FAT3: variants seen among roughly 807,000 people sequenced by gnomAD.
FAT3 encodes protocadherin Fat 3.
A neutral mutation model predicts 310.2 loss-of-function variants in FAT3; 95 were observed. The observed-to-expected ratio is 0.31, with a 90% confidence interval of 0.26 to 0.36. FAT3 has a LOEUF of 0.36. FAT3 is among the 10% of genes least tolerant of loss of function. The pLI is 1.00. For missense variants in FAT3, 5,408 were observed against 5,715.6 expected (o/e 0.95, Z 1.74); for synonymous variants, 2,314 against 2,192.9 (o/e 1.06, Z -1.54).
chr11:92,712,704 A>G (rs1207191330), intron 4 of FAT3, among the ~76,000 whole-genome samples: 3 of 152,234 alleles, frequency 2.0e-5, no homozygotes, highest in African/African-American at 7.2e-5. Flanking sequence ...AGCTTTAGCT[A>G]TCTAGGCTTT....
chr11:92,565,736 C>T (rs1306318558), intron 3 of FAT3, among the ~76,000 whole-genome samples: 3 of 151,670 alleles, frequency 2.0e-5, no homozygotes, highest in East Asian at 1.9e-4. Context: ...GTTCAATATA[C>T]ACAAATCAAT....
chr11:92,789,929 TC>T lies in FAT3; in HGVS notation c.4336-13del. ...TTGGCATTAGTCATCATTCTTTTCTTCTTTTAACTACAGGTATTTATCAAAG... is the reference window on the plus strand; with the variant it reads ...TTGGCATTAGTCATCATTCTTTTCTTTTTTAACTACAGGTATTTATCAAAG... On this transcript the variant is annotated splice_polypyrimidine_tract_variant and intron_variant, in intron 7 of 27. Coordinates refer to ENST00000525166, the MANE Select transcript of FAT3 (RefSeq NM_001367949.2). 1 of 1,611,048 alleles carries T rather than the reference TC, an allele frequency of 6.2e-7. No individual in the cohort carries two copies. Among genetic ancestry groups the T allele is most frequent in the Non-Finnish European group, 8.5e-7 (1 of 1,177,610 alleles).
At chr11:92,701,734 C>T (rs1944102938) in intron 4 of FAT3, among the ~76,000 whole-genome samples, 1 of 152,160 alleles carries the variant, frequency 6.6e-6, no homozygotes, top group Non-Finnish European at 1.5e-5. Context: ...GTAAATGAAA[C>T]AGTGAATTAA....
intron 2 of FAT3, among the ~76,000 whole-genome samples, chr11:92,390,068 G>T (rs1351217603): frequency 1.3e-5 from 2 of 151,948 alleles, no homozygotes; most frequent in African/African-American, 4.8e-5. Flanking sequence ...CATCAAAAAT[G>T]ACAGTTTTAA....
At position 92,822,395 on chromosome 11, in the gene FAT3, A is replaced by C. The variant is rs1402681257; in HGVS notation, c.9482-9227A>C. On this transcript the variant is annotated intron_variant, in intron 13 of 27. Transcript: ENST00000525166. ...CTCGGCAATGCAGAGGACGGATTTA[A>C]GGCAGTACTAATATAGCTAGGAAAA... Among the ~76,000 whole-genome samples, 3 of 152,150 alleles carry C rather than the reference A, an allele frequency of 2.0e-5. No homozygotes were observed. The East Asian group carries it at 5.8e-4, about 29-fold the overall frequency.
intron 2 of FAT3, among the ~76,000 whole-genome samples, chr11:92,412,746 A>ATATATATATATATATAT (rs1591252852): frequency 1.7e-4 from 3 of 18,080 alleles, no homozygotes; most frequent in Non-Finnish European, 3.2e-4. Flanking sequence ...TATATATATA[A>ATATATATATATATATAT]ATATACATAC....
intron 1 of FAT3, among the ~76,000 whole-genome samples, chr11:92,229,991 G>C (rs1023566265): frequency 6.6e-6 from 1 of 152,084 alleles, no homozygotes; most frequent in African/African-American, 2.4e-5. Flanking sequence ...GAGGGCCACA[G>C]CATTGTCCTT....
At chr11:92,742,502 A>T (rs138284166) in intron 4 of FAT3, among the ~76,000 whole-genome samples, 1 of 152,340 alleles carries the variant, frequency 6.6e-6, no homozygotes, top group East Asian at 1.9e-4. Context: ...GCCAAAGTTT[A>T]TGTGTTGGAA....
At chr11:92,693,673 C>T (rs993273957) in intron 3 of FAT3, among the ~76,000 whole-genome samples, 3 of 152,152 alleles carry the variant, frequency 2.0e-5, no homozygotes, top group Admixed American at 6.5e-5. Context: ...CGTAGCTCAT[C>T]GTAAGTAGGT....
At chr11:92,360,841 C>T (rs1202946541) in intron 2 of FAT3, among the ~76,000 whole-genome samples, 1 of 152,170 alleles carries the variant, frequency 6.6e-6, no homozygotes, top group Admixed American at 6.5e-5. Flanking sequence ...GTAGGGATCA[C>T]TGAGGCTTGC....
At chr11:92,630,622 C>T (rs1464061650) in intron 3 of FAT3, among the ~76,000 whole-genome samples, 1 of 152,128 alleles carries the variant, frequency 6.6e-6, no homozygotes, top group East Asian at 1.9e-4. Context: ...AACCTGAAGC[C>T]ATCCTCCTCT....
intron 3 of FAT3, among the ~76,000 whole-genome samples, chr11:92,591,857 GTAGT>G (rs1939442812): frequency 6.6e-6 from 1 of 152,130 alleles, no homozygotes; most frequent in South Asian, 2.1e-4. Context: ...TGTTTCAACA[GTAGT>G]TAAACTGAAA....
intron 21 of FAT3, among the ~76,000 whole-genome samples, chr11:92,861,018 A>C (rs780235546): frequency 3.9e-5 from 6 of 152,278 alleles, no homozygotes; most frequent in Non-Finnish European, 8.8e-5. Context: ...AGAACGATGC[A>C]TTCAAATCAG....
chr11:92,780,573 C>T (rs1053366976), intron 7 of FAT3, among the ~76,000 whole-genome samples: 8 of 152,142 alleles, frequency 5.3e-5, no homozygotes, highest in African/African-American at 1.9e-4. Flanking sequence ...TAGAGTAGAT[C>T]AGGGTTTATA....
chr11:92,447,222 C>T (rs867708609), intron 2 of FAT3, among the ~76,000 whole-genome samples: 302 of 146,392 alleles, frequency 2.1e-3, no homozygotes, highest in African/African-American at 6.9e-3. Flanking sequence ...TATATGTGTG[C>T]GTGTGTGTGT....
chr11:92,825,305 AG>A (rs1456734208), intron 13 of FAT3, among the ~76,000 whole-genome samples: 1 of 152,158 alleles, frequency 6.6e-6, no homozygotes, highest in Non-Finnish European at 1.5e-5. Context: ...TGGGGTTCAA[AG>A]ATAATAAGAC....
chr11:92,411,685 A>G (rs1419155949), intron 2 of FAT3, among the ~76,000 whole-genome samples: 2 of 152,114 alleles, frequency 1.3e-5, no homozygotes, highest in African/African-American at 4.8e-5. Context: ...GCAGGAAAGC[A>G]AAGTTCGCAA....
chr11:92,528,651 G>T (rs1458769321), intron 3 of FAT3, among the ~76,000 whole-genome samples: 1 of 150,838 alleles, frequency 6.6e-6, no homozygotes, highest in African/African-American at 2.5e-5. Context: ...CTCCCAAAGT[G>T]CTGGATTACA....
intron 3 of FAT3, among the ~76,000 whole-genome samples, chr11:92,644,366 G>T (rs950994663): frequency 8.5e-5 from 13 of 152,136 alleles, no homozygotes; most frequent in African/African-American, 3.1e-4. Flanking sequence ...TAAATTTTGA[G>T]ATGTCAAGCC....
Sources: gnomAD v4.1 joint callset for allele counts (sites outside exome capture counted in the v4.1 genomes callset) on GRCh38, gnomAD v4.1.1 for gene constraint, MANE v1.5 for transcripts, NCBI Gene and HGNC (gene_info 2026-07-23, HGNC 2026-07-21) for gene names.